CNNM1: variants seen among roughly 807,000 people sequenced by gnomAD.
CNNM1 encodes the protein cyclin and CBS domain divalent metal cation transport mediator 1, also known as metal transporter CNNM1.
A neutral mutation model predicts 78.8 loss-of-function variants in CNNM1; 44 were observed. The ratio of observed to expected loss-of-function variants is 0.56; its 90% CI spans 0.44 to 0.72. The LOEUF (loss-of-function observed/expected upper bound fraction) is 0.72. Ranked by LOEUF, CNNM1 falls within the 30% of genes least tolerant of loss-of-function variation. CNNM1 has a pLI of 0.00. For synonymous variants in CNNM1, 584 were observed against 581.5 expected (o/e 1.00, Z -0.06); for missense variants, 1,101 against 1,292.2 (o/e 0.85, Z 2.27).
At chr10:99,371,024 T>G (rs572703220) in intron 6 of CNNM1, among the ~76,000 whole-genome samples, 1 of 152,222 alleles carries the variant, frequency 6.6e-6, no homozygotes, top group Non-Finnish European at 1.5e-5. Flanking sequence ...GGACAAGGAC[T>G]GGAATCTAAG....
chr10:99,330,977 C>G lies in CNNM1; in HGVS notation c.1573+17C>G. On this transcript the variant is annotated intron_variant, in intron 1 of 10. Coordinates refer to ENST00000356713, the MANE Select transcript of CNNM1 (RefSeq NM_020348.3). ...TTAAGAAGGGTGAGCAGTAGTCTAT[C>G]TTCTCCCCCAACTCCTATCCCCTTC... 1 of 1,593,414 alleles carries G rather than the reference C, an allele frequency of 6.3e-7. No homozygotes were observed.
chr10:99,387,713 G>A lies in CNNM1; in HGVS notation c.2341-107G>A, dbSNP rs184986000. 393 of 1,153,112 alleles carry A rather than the reference G, an allele frequency of 3.4e-4. 4 individuals carry two copies. In the East Asian group the frequency reaches 9.0e-3, roughly 27 times the overall value. 71.4% of individuals were successfully genotyped at this position (1,153,112 alleles called of 1,614,324 possible). On this transcript the variant is annotated intron_variant, in intron 7 of 10. Coordinates refer to ENST00000356713, the MANE Select transcript of CNNM1 (RefSeq NM_020348.3). Reference sequence around the variant, plus strand: ...TCGTGGATCTCAGGCCTCAGAGGCCGAGGGTTCCAAGCACCCCAGCGAGGC... The same window carrying A: ...TCGTGGATCTCAGGCCTCAGAGGCCAAGGGTTCCAAGCACCCCAGCGAGGC...
chr10:99,348,038 G>GTGTA (rs5787335), intron 1 of CNNM1, among the ~76,000 whole-genome samples: 60,071 of 116,120 alleles, frequency 0.52, 15,321 homozygotes, highest in South Asian at 0.62. Flanking sequence ...GTGTGTGTGT[G>GTGTA]TATATATATA....
chr10:99,349,804 T>C (rs1437915262), intron 1 of CNNM1, among the ~76,000 whole-genome samples: 1 of 152,122 alleles, frequency 6.6e-6, no homozygotes, highest in East Asian at 1.9e-4. Context: ...ATCGAGACCA[T>C]CCTGGCTAAC....
chr10:99,338,853 G>A, intron 1 of CNNM1, among the ~76,000 whole-genome samples: 1 of 152,176 alleles, frequency 6.6e-6, no homozygotes, highest in Non-Finnish European at 1.5e-5. Flanking sequence ...TCTTAAGAGT[G>A]ATTTTCTTAT....
intron 7 of CNNM1, among the ~76,000 whole-genome samples, chr10:99,387,106 G>A (rs1399343541): frequency 6.6e-6 from 1 of 152,224 alleles, no homozygotes; most frequent in African/African-American, 2.4e-5. Context: ...AGGGGTGACA[G>A]AGACACCCTC....
intron 7 of CNNM1, among the ~76,000 whole-genome samples, chr10:99,380,783 T>C (rs1233073826): frequency 1.0e-5 from 1 of 99,048 alleles, no homozygotes; most frequent in Non-Finnish European, 2.0e-5. Flanking sequence ...AGAGGGAGAC[T>C]CGGCCTCAAA....
At chr10:99,377,732 C>A (rs2032020428) in intron 7 of CNNM1, among the ~76,000 whole-genome samples, 1 of 152,186 alleles carries the variant, frequency 6.6e-6, no homozygotes, top group Non-Finnish European at 1.5e-5. Flanking sequence ...TAAAACACAA[C>A]TTGACCTGTG....
At chr10:99,380,994 A>G (rs2032131481) in intron 7 of CNNM1, among the ~76,000 whole-genome samples, 1 of 152,154 alleles carries the variant, frequency 6.6e-6, no homozygotes, top group Non-Finnish European at 1.5e-5. Context: ...CAAACAGAAG[A>G]CTTTGCTGCA....
chr10:99,387,771 G>A (rs563286511), intron 7 of CNNM1, 49 bp from the exon 8 acceptor site: 71 of 1,500,740 alleles, frequency 4.7e-5, no homozygotes, highest in Admixed American at 3.1e-4. Flanking sequence ...GGCTGCATCC[G>A]GGTGGTCTCT....
In CNNM1 at chr10:99,330,311, C is replaced by T. The variant is rs377197002; in HGVS notation, c.924C>T (p.Gly308=). The T allele has an allele frequency of 8.3e-5, 132 of 1,592,450 alleles. No homozygotes were observed. Among genetic ancestry groups the T allele is most frequent in the Non-Finnish European group, 1.1e-4 (130 of 1,170,294 alleles). The change falls in exon 1 of 11, where the codon GGC becomes GGT. Residue 308 remains glycine (G), a synonymous_variant. Coordinates refer to ENST00000356713, the MANE Select transcript of CNNM1 (RefSeq NM_020348.3). Reference sequence around the variant, plus strand: ...GGCTGTACACCTCGCTGCCGCCGGGCTTCGGGGGCACCGGGGAAGACTACA... The same window carrying T: ...GGCTGTACACCTCGCTGCCGCCGGGTTTCGGGGGCACCGGGGAAGACTACA... ...AGWLYTSLPP[G]FGGTGEDYSE... is the part of the protein sequence containing the mutation.
chr10:99,365,070 C>T (rs761274222), intron 6 of CNNM1, 68 bp downstream of exon 6: 7 of 1,527,304 alleles, frequency 4.6e-6, no homozygotes, highest in African/African-American at 1.4e-5. Context: ...CTCTGGGGAC[C>T]TGGACCGAGC....
intron 6 of CNNM1, chr10:99,368,492 A>C: frequency 2.3e-6 from 1 of 431,006 alleles, no homozygotes; most frequent in Non-Finnish European, 4.3e-6. Context: ...TCCTTTTTGC[A>C]GAGAAATGTG....
At chr10:99,345,909 G>A (rs2030673981) in intron 1 of CNNM1, among the ~76,000 whole-genome samples, 1 of 152,000 alleles carries the variant, frequency 6.6e-6, no homozygotes, top group Non-Finnish European at 1.5e-5. Context: ...TGCCCAGGGT[G>A]GTGTCGAACT....
chr10:99,340,300 C>G (rs994610372), intron 1 of CNNM1, among the ~76,000 whole-genome samples: 1 of 152,272 alleles, frequency 6.6e-6, no homozygotes, highest in South Asian at 2.1e-4. Flanking sequence ...GAGAGAATCT[C>G]ATTCACACTT....
At chr10:99,383,005 G>T (rs1589921843) in intron 7 of CNNM1, among the ~76,000 whole-genome samples, 2 of 152,166 alleles carry the variant, frequency 1.3e-5, no homozygotes, top group African/African-American at 4.8e-5. Context: ...CAATGAAGAG[G>T]AAACAAAAAC....
At chr10:99,382,009 T>G (rs1271537684) in intron 7 of CNNM1, among the ~76,000 whole-genome samples, 1 of 152,198 alleles carries the variant, frequency 6.6e-6, no homozygotes, top group Non-Finnish European at 1.5e-5. Context: ...TCTTTCCTTC[T>G]GTTGTTATTG....
Position 99,379,230 on chromosome 10 carries a change from T to C in CNNM1, c.2340+2012T>C, listed in dbSNP as rs184364354. On this transcript the variant is annotated intron_variant, in intron 7 of 10. Coordinates refer to ENST00000356713, the MANE Select transcript of CNNM1 (RefSeq NM_020348.3). ...TGTTCTTGGCACTGTTGAGATACTGTGGTGAAGACAGCAAGCTGCTGCCCT... is the reference window on the plus strand; with the variant it reads ...TGTTCTTGGCACTGTTGAGATACTGCGGTGAAGACAGCAAGCTGCTGCCCT... Among the ~76,000 whole-genome samples the C allele has an allele frequency of 1.5e-3, 234 of 152,368 alleles. 1 individual carries two copies. The highest frequency in any genetic ancestry group is 5.5e-3 in the African/African-American group (229 of 41,584).
intron 7 of CNNM1, among the ~76,000 whole-genome samples, chr10:99,378,073 C>T (rs1393478902): frequency 6.6e-6 from 1 of 151,496 alleles, no homozygotes; most frequent in Non-Finnish European, 1.5e-5. Flanking sequence ...AAGCAATTCT[C>T]CTGCCTCAGC....
Sources: allele counts gnomAD v4.1 joint callset (sites outside exome capture counted in the v4.1 genomes callset), GRCh38; gene constraint gnomAD v4.1.1; transcripts MANE v1.5; gene names NCBI Gene and HGNC (gene_info 2026-07-23, HGNC 2026-07-21).